The following MBD5 variants were observed in gnomAD, a reference collection of about 807,000 sequenced individuals.
The protein encoded by MBD5 is methyl-CpG binding domain protein 5.
MBD5 carries 13 observed loss-of-function variants against 117.3 expected under a neutral mutation model. The observed-to-expected ratio is 0.11, with a 90% CI of 0.07 to 0.18. MBD5 has a LOEUF of 0.18. MBD5 is among the 10% of genes least tolerant of loss of function. The probability of loss-of-function intolerance (pLI) is 1.00; values close to 1 mark genes in which losing one functional copy is unlikely to be tolerated. For missense variants in MBD5, 1,879 were observed against 2,093.8 expected, an observed-to-expected ratio of 0.90 and a Z score of 2.00; for synonymous variants, 727 against 766.4, an observed-to-expected ratio of 0.95 and a Z score of 0.85.
rs1364386648 is a variant in MBD5 at position 148,233,259 on chromosome 2, A to G, written c.-816A>G. On this transcript the variant is annotated 5_prime_UTR_variant, in exon 3 of 14. Coordinates refer to ENST00000642680, the MANE Select transcript of MBD5 (RefSeq NM_001378120.1). ...GTTTTTAACAGGACCAAGGAAATAA[A>G]TACCAGAAATCAAGAAGAGCACACA... is the stretch of plus-strand genomic sequence containing the variant. 6.6e-6 allele frequency: 1 copy of G among 152,228 alleles called. No homozygotes were observed. Among genetic ancestry groups the G allele is most frequent in the East Asian group, 1.9e-4 (1 of 5,198 alleles). The allele number at this position is 152,228 out of a possible 1,614,324, so 9.4% of individuals were successfully genotyped here.
At chr2:148,410,088 C>T (rs116737551) in intron 4 of MBD5, among the ~76,000 whole-genome samples, 104 of 152,196 alleles carry the variant, frequency 6.8e-4, no homozygotes, top group African/African-American at 2.4e-3. Flanking sequence ...AAAGGATATG[C>T]ACATTTAAAA....
chr2:148,411,512 C>CTTTTTT (rs1188326755), intron 4 of MBD5, among the ~76,000 whole-genome samples: 1,014 of 97,034 alleles, frequency 0.01, 4 homozygotes, highest in East Asian at 0.013. Context: ...AGCATCTGTT[C>CTTTTTT]TTTTTTTTTT....
chr2:148,244,858 G>GT lies in MBD5; in HGVS notation c.-680+11471dup, dbSNP rs1244262821. 2.6e-5 allele frequency among the ~76,000 whole-genome samples: 4 copies of GT among 152,000 alleles called. No homozygotes were observed. The East Asian group carries it at 5.8e-4, about 22-fold the overall frequency. ...TTGTCACAGGAGTGAGACATGCGAG[G>GT]TTTTTTTTCCTATGACCCATGAATC... is the stretch of plus-strand genomic sequence containing the variant. On this transcript the variant is annotated intron_variant, in intron 3 of 13. Transcript: ENST00000642680.
At chr2:148,138,631 C>G (rs1270979548) in intron 1 of MBD5, among the ~76,000 whole-genome samples, 2 of 152,168 alleles carry the variant, frequency 1.3e-5, no homozygotes, top group East Asian at 3.9e-4. Flanking sequence ...CTAACCTAAG[C>G]AAGAGATAGT....
chr2:148,085,598 C>T (rs1450147771), intron 1 of MBD5, among the ~76,000 whole-genome samples: 2 of 150,884 alleles, frequency 1.3e-5, no homozygotes, highest in African/African-American at 2.4e-5. Context: ...GTGGCGGGCG[C>T]CTGTAGTCCC....
At chr2:148,177,787 T>C (rs1314903293) in intron 1 of MBD5, among the ~76,000 whole-genome samples, 1 of 152,192 alleles carries the variant, frequency 6.6e-6, no homozygotes. Flanking sequence ...TTTCAAGTGT[T>C]TGATTGTACA....
At chr2:148,043,280 TAAAA>T (rs1250594338) in intron 1 of MBD5, among the ~76,000 whole-genome samples, 1 of 147,364 alleles carries the variant, frequency 6.8e-6, no homozygotes, top group African/African-American at 2.5e-5. Flanking sequence ...AAAAAAAAAA[TAAAA>T]AAATAAATAA....
Position 148,484,045 on chromosome 2 carries a change from A to G in MBD5, c.3454A>G (p.Asn1152Asp). The G allele has an allele frequency of 6.5e-7, 1 of 1,550,242 alleles. No individual in the cohort carries two copies. Among genetic ancestry groups the G allele is most frequent in the Non-Finnish European group, 8.7e-7 (1 of 1,146,780 alleles). ...AGAAACATTGCTGAATATATCTAAT[A>G]ATGCTGGGAATACACCTGGTCCAGC... is the stretch of plus-strand genomic sequence containing the variant. ...MAETLLNISN[N>D]AGNTPGPAKL... Residue 1152 changes from asparagine to aspartate, a missense_variant, in exon 9 of 14, where the codon AAT (asparagine) becomes GAT (aspartate). By Grantham distance (23) the Asn-to-Asp change is conservative. Coordinates refer to ENST00000642680, the MANE Select transcript of MBD5 (RefSeq NM_001378120.1).
intron 4 of MBD5, among the ~76,000 whole-genome samples, chr2:148,386,990 G>C (rs1032278673): frequency 2.0e-5 from 3 of 152,106 alleles, no homozygotes; most frequent in African/African-American, 4.8e-5. Flanking sequence ...TCAAATGAAG[G>C]TCATTTCAAA....
intron 2 of MBD5, among the ~76,000 whole-genome samples, chr2:148,202,807 C>T (rs900750702): frequency 6.6e-6 from 1 of 151,984 alleles, no homozygotes; most frequent in Non-Finnish European, 1.5e-5. Flanking sequence ...GTGGGAGGAT[C>T]ACTTGAGGTC....
chr2:148,376,609 T>C (rs1282463275), intron 4 of MBD5, among the ~76,000 whole-genome samples: 2 of 149,054 alleles, frequency 1.3e-5, no homozygotes, highest in African/African-American at 4.9e-5. Context: ...ACTTAGTGTT[T>C]ATGAAGAAAA....
At chr2:148,365,075 C>G (rs958093301) in intron 4 of MBD5, among the ~76,000 whole-genome samples, 5 of 152,116 alleles carry the variant, frequency 3.3e-5, no homozygotes, top group Admixed American at 3.3e-4. Context: ...TAAAATTGAC[C>G]ACATAATTGA....
At chr2:148,444,506 C>G (rs73019217) in intron 4 of MBD5, among the ~76,000 whole-genome samples, 1 of 151,058 alleles carries the variant, frequency 6.6e-6, no homozygotes, top group Non-Finnish European at 1.5e-5. Flanking sequence ...AAATGAGACC[C>G]CTATGTTTGT....
chr2:148,241,275 G>T (rs1017401675), intron 3 of MBD5, among the ~76,000 whole-genome samples: 5 of 151,906 alleles, frequency 3.3e-5, no homozygotes, highest in African/African-American at 9.7e-5. Context: ...TTAGAGAGTG[G>T]ATCTATTTTG....
intron 3 of MBD5, among the ~76,000 whole-genome samples, chr2:148,243,302 A>C (rs1467530173): frequency 1.3e-5 from 2 of 150,574 alleles, no homozygotes; most frequent in African/African-American, 4.9e-5. Flanking sequence ...CTGTAATCAT[A>C]ATAGTAGCTC....
chr2:148,104,500 C>CA (rs1696316808), intron 1 of MBD5, among the ~76,000 whole-genome samples: 1 of 151,994 alleles, frequency 6.6e-6, no homozygotes, highest in South Asian at 2.1e-4. Flanking sequence ...TTGCATTAAA[C>CA]AAAAAATGAT....
intron 2 of MBD5, among the ~76,000 whole-genome samples, chr2:148,181,030 G>C (rs187499940): frequency 6.3e-4 from 96 of 152,286 alleles, no homozygotes; most frequent in African/African-American, 2.3e-3. Flanking sequence ...CTATATGTCA[G>C]CTTCAACAGT....
intron 3 of MBD5, among the ~76,000 whole-genome samples, chr2:148,275,826 G>T (rs1394020645): frequency 3.3e-5 from 5 of 151,342 alleles, no homozygotes; most frequent in Admixed American, 6.6e-5. Context: ...AGGAGAATTT[G>T]TCAAAACAGT....
chr2:148,110,106 A>T (rs1299651524), intron 1 of MBD5, among the ~76,000 whole-genome samples: 1 of 152,198 alleles, frequency 6.6e-6, no homozygotes, highest in Non-Finnish European at 1.5e-5. Context: ...TAACAGTTAC[A>T]ATTTACTAAG....
Sources: gnomAD v4.1 joint callset for allele counts (sites outside exome capture counted in the v4.1 genomes callset) on GRCh38, gnomAD v4.1.1 for gene constraint, MANE v1.5 for transcripts, NCBI Gene and HGNC (gene_info 2026-07-23, HGNC 2026-07-21) for gene names.